Variants in MYH1 observed in about 807,000 individuals in gnomAD.
MYH1 encodes the protein myosin-1.
Under a neutral mutation model 225.6 loss-of-function variants are expected in MYH1, and 214 were observed. The observed-to-expected ratio is 0.95, with a 90% CI of 0.85 to 1.06. The LOEUF is 1.06. Ranked by LOEUF, MYH1 falls within the 50% of genes least tolerant of loss-of-function variation. The pLI, the probability that MYH1 is intolerant of heterozygous loss-of-function variation, is 0.00. For synonymous variants in MYH1, 774 were observed against 842.3 expected (o/e 0.92, Z 1.40); for missense variants, 2,098 against 2,344.2 (o/e 0.89, Z 2.17).
At position 10,518,278 on chromosome 17, in the gene MYH1, A is replaced by G. The variant is rs2073249553; in HGVS notation, c.-71-8T>C. 6.6e-6 allele frequency: 1 copy of G among 152,236 alleles called. No individual in the cohort carries two copies. The highest frequency in any genetic ancestry group is 1.5e-5 in the Non-Finnish European group (1 of 68,044). 9.4% of individuals were successfully genotyped at this position (152,236 alleles called of 1,614,324 possible). ...CCTTAAAGTGGATCAGAACTGTAAG[A>G]AAAAGAGCAAACCTCTTCTGATTAA... On this transcript the variant is annotated splice_polypyrimidine_tract_variant and splice_region_variant and intron_variant, in intron 1 of 39. Coordinates refer to ENST00000226207, the MANE Select transcript of MYH1 (RefSeq NM_005963.4).
intron 12 of MYH1, 24 bp from the exon 13 acceptor site, chr17:10,512,216 C>T (rs754379413): frequency 3.7e-6 from 6 of 1,604,222 alleles, no homozygotes; most frequent in Middle Eastern, 1.7e-4. Context: ...ATTCAGATAC[C>T]TAATATGACT....
intron 35 of MYH1, 107 bp from the exon 36 acceptor site, chr17:10,495,424 T>G: frequency 1.5e-6 from 2 of 1,371,382 alleles, no homozygotes; most frequent in Non-Finnish European, 2.0e-6. Flanking sequence ...TTCATTAATA[T>G]TCCTCCTTGT....
Position 10,505,524 on chromosome 17 carries a change from G to A in MYH1, c.2175-13C>T, listed in dbSNP as rs1055380726. 5.0e-6 allele frequency: 8 copies of A among 1,605,820 alleles called. No individual in the cohort carries two copies. In the South Asian group the frequency reaches 5.6e-5, roughly 11 times the overall value. ...TAACACCTTGTATCTGTTTAAGCCA[G>A]ACAAAAAAATGATATGGCTGTTGCC... is the stretch of plus-strand genomic sequence containing the variant. On this transcript the variant is annotated splice_polypyrimidine_tract_variant and intron_variant, in intron 19 of 39. Transcript: ENST00000226207.
Position 10,494,674 on chromosome 17 carries a change from C to T in MYH1, c.5467-1G>A, listed in dbSNP as rs749450340. On this transcript the variant is annotated splice_acceptor_variant, in intron 37 of 39. Transcript: ENST00000226207. LOFTEE classifies it high-confidence loss of function. The stretch of plus-strand genomic sequence containing the variant: ...CAACTTCACCTTCAAGTTCACGAAC[C>T]TACAAGAAGATGGACATTTTAAGGA... The T allele has an allele frequency of 1.9e-6, 3 of 1,613,648 alleles. No individual in the cohort carries two copies.
Position 10,492,562 on chromosome 17 carries a change from G to A in MYH1, c.5674C>T (p.Gln1892Ter), listed in dbSNP as rs1294635751. 1 of 1,609,854 alleles carries A rather than the reference G, an allele frequency of 6.2e-7. No individual in the cohort carries two copies. Among genetic ancestry groups the A allele is most frequent in the Non-Finnish European group, 8.5e-7 (1 of 1,178,698 alleles). The stretch of plus-strand genomic sequence containing the variant: ...AATTTGGAGAGGTTGACGTTGGATT[G>A]TTCCTCCTGTGAATGGAAATCCATT... Reference protein sequence around the residue: ...YKRQAEEAEEQSNVNLSKFRR... With the variant: ...YKRQAEEAEE The change falls in exon 40 of 40, where the codon CAA becomes TAA. Residue 1892 changes from glutamine (Q) to a stop codon, truncating the protein, a stop_gained. Coordinates refer to ENST00000226207, the MANE Select transcript of MYH1 (RefSeq NM_005963.4). LOFTEE classifies it high-confidence loss of function.
intron 38 of MYH1, 25 bp downstream of exon 38, chr17:10,494,544 A>T (rs2072967353): frequency 6.2e-7 from 1 of 1,612,608 alleles, no homozygotes; most frequent in African/African-American, 1.3e-5. Flanking sequence ...CTAAAGTGAA[A>T]ACCTAGACAG....
Position 10,512,853 on chromosome 17 carries a change from A to G in MYH1, c.904+14T>C. On this transcript the variant is annotated intron_variant, in intron 10 of 39. Transcript: ENST00000226207. ...GTACAGTGACAATCTTCTAGCTATGAATTTATTTCTTACCAATTAGATCTG... is the reference window on the plus strand; with the variant it reads ...GTACAGTGACAATCTTCTAGCTATGGATTTATTTCTTACCAATTAGATCTG... 1 of 1,606,824 alleles carries G rather than the reference A, an allele frequency of 6.2e-7. No homozygotes were observed. Among genetic ancestry groups the G allele is most frequent in the Non-Finnish European group, 8.5e-7 (1 of 1,173,398 alleles).
chr17:10,497,902 C>T lies in MYH1; in HGVS notation c.4197G>A (p.Gln1399=), dbSNP rs1336559710. 1 of 1,598,702 alleles carries T rather than the reference C, an allele frequency of 6.3e-7. No homozygotes were observed. The highest frequency in any genetic ancestry group is 1.8e-5 in the Admixed American group (1 of 54,654). ...CATGTTCCTCAGCATCCTGCAGACG[C>T]TGAGCCAGCTTCTTCCTATGAAATA... is the stretch of plus-strand genomic sequence containing the variant. ...ELEEAKKKLA[Q]RLQDAEEHVE... The change falls in exon 31 of 40, where the codon CAG becomes CAA. Residue 1399 remains glutamine (Q), a synonymous_variant. Transcript: ENST00000226207.
intron 27 of MYH1, 103 bp downstream of exon 27, chr17:10,501,007 G>T: frequency 3.9e-6 from 6 of 1,535,698 alleles, no homozygotes; most frequent in Non-Finnish European, 5.3e-6. Context: ...ATGAGAAAAA[G>T]GGTGCCTGAT....
chr17:10,497,019 G>A lies in MYH1; in HGVS notation c.4656+50C>T, dbSNP rs1000584927. The A allele has an allele frequency of 4.4e-6, 7 of 1,576,410 alleles. No individual in the cohort carries two copies. The African/African-American group carries it at 9.6e-5, about 22-fold the overall frequency. ...GATTCACCATTCCTTACATTTAATA[G>A]ACCCCAATTCCTCTTCTAATTGTTT... On this transcript the variant is annotated intron_variant, in intron 33 of 39. Coordinates refer to ENST00000226207, the MANE Select transcript of MYH1 (RefSeq NM_005963.4).
chr17:10,496,939 A>T lies in MYH1; in HGVS notation c.4656+130T>A, dbSNP rs1477800930. ...GGTTATGTTGGTTGTATGCATGATC[A>T]GTTCTCCATTCTCATCCCTAGTTCA... is the stretch of plus-strand genomic sequence containing the variant. On this transcript the variant is annotated intron_variant, in intron 33 of 39. Transcript: ENST00000226207. The T allele has an allele frequency of 4.2e-6, 5 of 1,195,644 alleles. No individual in the cohort carries two copies. The African/African-American group carries it at 6.1e-5, about 15-fold the overall frequency. The allele number at this position is 1,195,644 out of a possible 1,614,324, so 74.1% of individuals were successfully genotyped here. A position where few individuals can be genotyped will look rare whatever the true frequency, so the allele number is the denominator to read the frequency against.
In MYH1 at chr17:10,512,678, T is replaced by A; in HGVS notation, c.1008+3A>T. The A allele has an allele frequency of 6.2e-7, 1 of 1,613,762 alleles. No homozygotes were observed. Among genetic ancestry groups the A allele is most frequent in the Non-Finnish European group, 8.5e-7 (1 of 1,179,638 alleles). ...TTTAAATTAAAATTCATGTATAACT[T>A]ACATCTGTAGCCATCAACTCTTCTT... On this transcript the variant is annotated splice_donor_region_variant and intron_variant, in intron 11 of 39. Coordinates refer to ENST00000226207, the MANE Select transcript of MYH1 (RefSeq NM_005963.4).
rs755117063 is a variant in MYH1, at chr17:10,508,550, C to T, written c.1710G>A (p.Lys570=). The T allele has an allele frequency of 2.5e-6, 4 of 1,613,998 alleles. No individual in the cohort carries two copies. In the East Asian group the frequency reaches 8.9e-5, roughly 36 times the overall value. ...LGKSNNFQKP[K]PAKGKPEAHF... ...GGGCCTCAGGCTTGCCTTTGGCAGG[C>T]TTGGGCTTCTGGAAGTTATTGGATT... is the stretch of plus-strand genomic sequence containing the variant. The change falls in exon 16 of 40, where the codon AAG becomes AAA. Residue 570 remains lysine (K), a synonymous_variant. Coordinates refer to ENST00000226207, the MANE Select transcript of MYH1 (RefSeq NM_005963.4).
At chr17:10,495,774 A>AAAAAAAAAAAAAAAAAAAAAAAAAAC in intron 35 of MYH1, among the ~76,000 whole-genome samples, 176 bp downstream of exon 35, 1 of 149,852 alleles carries the variant, frequency 6.7e-6, no homozygotes, top group East Asian at 2.0e-4. Flanking sequence ...AAAAAAAAAA[A>AAAAAAAAAAAAAAAAAAAAAAAAAAC]AATCAACTAT....
chr17:10,512,845 T>C (rs1378341096), intron 10 of MYH1, 22 bp downstream of exon 10: 1 of 1,605,438 alleles, frequency 6.2e-7, no homozygotes, highest in Non-Finnish European at 8.5e-7. Context: ...GACAATCTTC[T>C]AGCTATGAAT....
At chr17:10,510,408 T>G (rs763025827) in intron 14 of MYH1, among the ~76,000 whole-genome samples, 3 of 152,194 alleles carry the variant, frequency 2.0e-5, no homozygotes, top group Non-Finnish European at 4.4e-5. Context: ...TATCATTTGC[T>G]CATTTCATGG....
chr17:10,500,818 C>T, intron 27 of MYH1, 66 bp from the exon 28 acceptor site: 3 of 1,601,470 alleles, frequency 1.9e-6, no homozygotes, highest in Admixed American at 3.3e-5. Flanking sequence ...TTTCAGTAAT[C>T]TAAACATTCC....
In MYH1 at chr17:10,494,691, T is replaced by C; in HGVS notation, c.5467-18A>G. On this transcript the variant is annotated intron_variant, in intron 37 of 39. Transcript: ENST00000226207. ...TCACGAACCTACAAGAAGATGGACA[T>C]TTTAAGGACATTCATTTGACGAATT... 1.2e-6 allele frequency: 2 copies of C among 1,612,462 alleles called. No individual in the cohort carries two copies. Among genetic ancestry groups the C allele is most frequent in the Non-Finnish European group, 1.7e-6 (2 of 1,179,640 alleles).
At chr17:10,502,620 A>G (rs2073069956) in intron 24 of MYH1, 118 bp downstream of exon 24, 2 of 1,436,296 alleles carry the variant, frequency 1.4e-6, no homozygotes, top group South Asian at 1.2e-5. Context: ...GATGTTCCAT[A>G]TTCCTCATTC....
Sources: gnomAD v4.1 joint callset for allele counts (sites outside exome capture counted in the v4.1 genomes callset) on GRCh38, gnomAD v4.1.1 for gene constraint, MANE v1.5 for transcripts, NCBI Gene and HGNC (gene_info 2026-07-23, HGNC 2026-07-21) for gene names.